The following UIMC1 variants were observed in gnomAD, a reference collection of about 807,000 sequenced individuals.
The protein encoded by UIMC1 is ubiquitin interaction motif containing 1.
In UIMC1, 42 loss-of-function variants were observed where a neutral mutation model predicts 84.9. The ratio of observed to expected loss-of-function variants is 0.49; its 90% confidence interval spans 0.39 to 0.64. The LOEUF is 0.64. Among genes scored for constraint, UIMC1 ranks in the 30% least tolerant of loss-of-function variants. The pLI, the probability that UIMC1 is intolerant of heterozygous loss-of-function variation, is 0.00. For synonymous variants in UIMC1, 281 were observed against 293.0 expected (o/e 0.96, Z 0.42); for missense variants, 825 against 847.6 (o/e 0.97, Z 0.33).
At chr5:177,004,511 G>A (rs139736545) in intron 1 of UIMC1, among the ~76,000 whole-genome samples, 30 of 152,078 alleles carry the variant, frequency 2.0e-4, no homozygotes, top group Non-Finnish European at 3.2e-4. Context: ...TTCACTTATT[G>A]AACTAAAGCT....
In UIMC1 at chr5:176,986,535, C is replaced by T. The variant is rs1274492831; in HGVS notation, c.-8-3912G>A. On this transcript the variant is annotated intron_variant, in intron 1 of 14. Coordinates refer to ENST00000511320, the MANE Select transcript of UIMC1 (RefSeq NM_001199298.2). ...ACTGGGCAACAGAGCAAGACCCTGTCTCCAAAAAAAAAAAAAAAAAAAGGC... is the reference window on the plus strand; with the variant it reads ...ACTGGGCAACAGAGCAAGACCCTGTTTCCAAAAAAAAAAAAAAAAAAAGGC... Among the ~76,000 whole-genome samples, 4 of 98,336 alleles carry T rather than the reference C, an allele frequency of 4.1e-5. No homozygotes were observed. The Admixed American group carries it at 4.9e-4, about 12-fold the overall frequency. 64.5% of individuals were successfully genotyped at this position (98,336 alleles called of 152,430 possible). A position where few individuals can be genotyped will look rare whatever the true frequency, so the allele number is the denominator to read the frequency against.
chr5:177,010,968 A>T (rs1191449424), upstream of UIMC1, among the ~76,000 whole-genome samples: 2 of 152,038 alleles, frequency 1.3e-5, no homozygotes, highest in African/African-American at 4.8e-5. Context: ...AAAGGTGGGG[A>T]GATCACTTGA....
At chr5:176,967,228 G>A (rs1768440570) in intron 6 of UIMC1, among the ~76,000 whole-genome samples, 1 of 151,610 alleles carries the variant, frequency 6.6e-6, no homozygotes, top group African/African-American at 2.4e-5. Flanking sequence ...AATGTCTTCT[G>A]GACATTTTAC....
intron 1 of UIMC1, among the ~76,000 whole-genome samples, chr5:176,990,689 T>A (rs1217131814): frequency 6.6e-6 from 1 of 152,186 alleles, no homozygotes; most frequent in East Asian, 1.9e-4. Context: ...TTTTTGTTTC[T>A]TGAGATAGGG....
chr5:177,003,679 A>G (rs1774860484), intron 1 of UIMC1, among the ~76,000 whole-genome samples: 1 of 152,120 alleles, frequency 6.6e-6, no homozygotes, highest in Admixed American at 6.6e-5. Context: ...ACAAACAAAC[A>G]AAAAACTTAA....
chr5:176,983,766 G>A (rs1421152151), intron 1 of UIMC1, among the ~76,000 whole-genome samples: 11 of 149,176 alleles, frequency 7.4e-5, no homozygotes, highest in Admixed American at 5.3e-4. Context: ...CTACCCGGCC[G>A]CCACCCCGTC....
chr5:176,963,276 T>G (rs975903916), intron 6 of UIMC1, among the ~76,000 whole-genome samples: 1 of 151,700 alleles, frequency 6.6e-6, no homozygotes, highest in African/African-American at 2.4e-5. Context: ...ACCCCAGAAC[T>G]TTGGGAGGCC....
At chr5:176,907,541 C>T (rs1043031293) in intron 12 of UIMC1, among the ~76,000 whole-genome samples, 77 of 152,222 alleles carry the variant, frequency 5.1e-4, no homozygotes, top group Non-Finnish European at 8.2e-4. Flanking sequence ...TTTCTTCTGG[C>T]ATGACAGACA....
At chr5:176,989,652 G>C (rs1216916795) in intron 1 of UIMC1, among the ~76,000 whole-genome samples, 1 of 149,588 alleles carries the variant, frequency 6.7e-6, no homozygotes, top group African/African-American at 2.5e-5. Flanking sequence ...CCAAGACCCT[G>C]CCTCAAAAAA....
At position 176,968,742 on chromosome 5, in the gene UIMC1, T is replaced by C. The variant is rs370812364; in HGVS notation, c.1013A>G (p.Gln338Arg). 1.2e-6 allele frequency: 2 copies of C among 1,614,198 alleles called. No individual in the cohort carries two copies. Among genetic ancestry groups the C allele is most frequent in the Non-Finnish European group, 1.7e-6 (2 of 1,180,034 alleles). Residue 338 changes from glutamine (Q) to arginine (R), a missense_variant, in exon 6 of 15, where the codon CAA becomes CGA. Physicochemically the swap from Gln to Arg is conservative, Grantham distance 43. Coordinates refer to ENST00000511320, the MANE Select transcript of UIMC1 (RefSeq NM_001199298.2). ...ATTTTTCTCACTAGCCTGCTCTCCT[T>C]GGCCACATTCATTCTGGATCAGAGA... Reference protein sequence around the residue: ...PPSLIQNECGQGEQASEKNEC... With the variant: ...PPSLIQNECGRGEQASEKNEC...
chr5:176,991,069 A>C lies in UIMC1; in HGVS notation c.-8-8446T>G, dbSNP rs539049260. On this transcript the variant is annotated intron_variant, in intron 1 of 14. Coordinates refer to ENST00000511320, the MANE Select transcript of UIMC1 (RefSeq NM_001199298.2). ...TTCGCCCAGGCCAGACTGCAGTGGC[A>C]CTATCTCGGCTCACTGCAAGCTCTG... 1.2e-4 allele frequency among the ~76,000 whole-genome samples: 18 copies of C among 151,970 alleles called. No homozygotes were observed. The East Asian group carries it at 3.3e-3, about 28-fold the overall frequency.
In UIMC1 at chr5:177,012,741, GA is replaced by G. The variant is rs911334993; in HGVS notation, c.-9+9722del. On this transcript the variant is annotated intron_variant, in intron 1 of 5. Transcript: ENST00000509236. The stretch of plus-strand genomic sequence containing the variant: ...CAAAAAGAAACCACACTGAATCAAT[GA>G]AAAAAATAAATTATTCCATAATGAT... 3.4e-4 allele frequency among the ~76,000 whole-genome samples: 52 copies of G among 151,710 alleles called. 1 individual carries two copies. The highest frequency in any genetic ancestry group is 1.2e-3 in the African/African-American group (51 of 41,366).
intron 9 of UIMC1, among the ~76,000 whole-genome samples, chr5:176,945,409 A>G (rs1764954670): frequency 6.6e-6 from 1 of 152,224 alleles, no homozygotes; most frequent in Admixed American, 6.5e-5. Context: ...AACTATTGCT[A>G]TGGAATTAAA....
intron 1 of UIMC1, among the ~76,000 whole-genome samples, chr5:177,014,057 CTTTTTTT>C (rs34686520): frequency 1.6e-5 from 2 of 122,130 alleles, no homozygotes; most frequent in Non-Finnish European, 3.5e-5. Flanking sequence ...TTTTTCTTTT[CTTTTTTT>C]TTTTTTTTTT....
At chr5:176,912,308 A>T (rs1355297414) in intron 10 of UIMC1, among the ~76,000 whole-genome samples, 2 of 152,198 alleles carry the variant, frequency 1.3e-5, no homozygotes, top group Non-Finnish European at 2.9e-5. Context: ...ACATAAACAA[A>T]TGAGTATGTT....
chr5:177,000,736 G>T (rs2149538311), intron 1 of UIMC1, among the ~76,000 whole-genome samples: 1 of 151,774 alleles, frequency 6.6e-6, no homozygotes, highest in African/African-American at 2.4e-5. Context: ...CCGACCTCAG[G>T]TGATCCACCT....
At chr5:176,995,212 T>C (rs958290633) in intron 1 of UIMC1, among the ~76,000 whole-genome samples, 4 of 152,126 alleles carry the variant, frequency 2.6e-5, no homozygotes, top group African/African-American at 9.7e-5. Flanking sequence ...CTTTCCATAA[T>C]GTCAAACACC....
At chr5:177,022,568 C>G in exon 1 of UIMC1, 2 of 647,824 alleles carry the variant, frequency 3.1e-6, no homozygotes, top group Non-Finnish European at 4.9e-6. Flanking sequence ...ACGGCACACG[C>G]TCTGAGGTAC....
intron 6 of UIMC1, among the ~76,000 whole-genome samples, chr5:176,964,332 G>A (rs1232444532): frequency 1.3e-5 from 2 of 152,176 alleles, no homozygotes; most frequent in African/African-American, 2.4e-5. Context: ...AGGCTTCAGT[G>A]AACTAGATAT....
Sources: gnomAD v4.1 joint callset for allele counts (sites outside exome capture counted in the v4.1 genomes callset) on GRCh38, gnomAD v4.1.1 for gene constraint, MANE v1.5 for transcripts, NCBI Gene and HGNC (gene_info 2026-07-23, HGNC 2026-07-21) for gene names.